The following SLC6A3 variants were observed in gnomAD, a reference collection of about 807,000 sequenced individuals.
SLC6A3 encodes sodium-dependent dopamine transporter.
SLC6A3 carries 19 observed loss-of-function variants against 70.4 expected under a neutral mutation model. The ratio of observed to expected loss-of-function variants is 0.27; its 90% confidence interval spans 0.19 to 0.40. The LOEUF (loss-of-function observed/expected upper bound fraction) is 0.40, where lower values mean the gene tolerates loss of function less well. Ranked by LOEUF, SLC6A3 falls within the 10% of genes least tolerant of loss-of-function variation. The pLI is 1.00. For synonymous variants in SLC6A3, 368 were observed against 356.6 expected, an observed-to-expected ratio of 1.03 and a Z score of -0.36; for missense variants, 613 against 838.5, an observed-to-expected ratio of 0.73 and a Z score of 3.32.
At chr5:1,443,875 T>TTC (rs1733740252) in intron 1 of SLC6A3, among the ~76,000 whole-genome samples, 3 of 151,908 alleles carry the variant, frequency 2.0e-5, no homozygotes, top group East Asian at 3.9e-4. Flanking sequence ...TTGTTGTTTT[T>TTC]TTGTAGAGAC....
chr5:1,441,350 G>A lies in SLC6A3; in HGVS notation c.418+9C>T, dbSNP rs528589234. On this transcript the variant is annotated intron_variant, in intron 3 of 14. Transcript: ENST00000270349. ...TGCGCCAGGGTGAAGGGAGGCACCCGCATATTACCTTTCAGTATGGGGCAG... is the reference window on the plus strand; with the variant it reads ...TGCGCCAGGGTGAAGGGAGGCACCCACATATTACCTTTCAGTATGGGGCAG... The A allele has an allele frequency of 1.6e-4, 256 of 1,614,162 alleles. 1 individual carries two copies. Among genetic ancestry groups the A allele is most frequent in the South Asian group, 1.3e-3 (117 of 91,078 alleles).
chr5:1,440,959 T>C (rs1204422054), intron 3 of SLC6A3, among the ~76,000 whole-genome samples: 3 of 152,174 alleles, frequency 2.0e-5, no homozygotes, highest in African/African-American at 4.8e-5. Context: ...ATTAGGTAGA[T>C]AGGTAGATAG....
intron 4 of SLC6A3, among the ~76,000 whole-genome samples, chr5:1,428,092 G>A (rs1249615774): frequency 2.6e-5 from 4 of 151,984 alleles, no homozygotes; most frequent in African/African-American, 9.7e-5. Context: ...AAACCATCTA[G>A]TAGGTCATAA....
In SLC6A3 at chr5:1,421,923, C is replaced by A. The variant is rs777646374; in HGVS notation, c.745G>T (p.Val249Leu). 1.2e-6 allele frequency: 2 copies of A among 1,613,262 alleles called. No homozygotes were observed. Among genetic ancestry groups the A allele is most frequent in the Non-Finnish European group, 8.5e-7 (1 of 1,180,014 alleles). ...QLTACLVLVI[V>L]LLYFSLWKGV... is the part of the protein sequence containing the mutation. ...TTCCAGAGGCTGAAGTAGAGCAGCA[C>A]GATGACCAGCACCAGGCAGGCTGTG... is the stretch of plus-strand genomic sequence containing the variant. The change falls in exon 5 of 15, where the codon GTG (valine) becomes TTG (leucine). Residue 249 changes from valine to leucine, a missense_variant. Coordinates refer to ENST00000270349, the MANE Select transcript of SLC6A3 (RefSeq NM_001044.5). This position sits in a 1 kb window ranked among gnomAD's most constrained non-coding sequence, Gnocchi z 7.2.
intron 6 of SLC6A3, among the ~76,000 whole-genome samples, chr5:1,419,323 TCATCCATCCATCCATCCATCCATCCATC>T (rs59372317): frequency 2.1e-5 from 3 of 142,856 alleles, no homozygotes; most frequent in Non-Finnish European, 3.0e-5. Flanking sequence ...TACCTAGCAT[TCATCCATCCATCCATCCATCCATCCATC>T]CATCCATCCA....
Position 1,411,223 on chromosome 5 carries a change from G to A in SLC6A3, c.1269+20C>T, listed in dbSNP as rs951684585. ...GAACCCAACTGCCGAGGACAGGGCC[G>A]GGCGGTGCGGGTTACTCACGGCGCT... On this transcript the variant is annotated intron_variant, in intron 9 of 14. Coordinates refer to ENST00000270349, the MANE Select transcript of SLC6A3 (RefSeq NM_001044.5). The surrounding 1 kb of genome is among the most constrained non-coding windows in gnomAD (Gnocchi z 6.5). The A allele has an allele frequency of 5.6e-5, 84 of 1,503,908 alleles. No individual in the cohort carries two copies. The highest frequency in any genetic ancestry group is 4.7e-4 in the East Asian group (19 of 40,740). The allele number at this position is 1,503,908 out of a possible 1,614,324, so 93.2% of individuals were successfully genotyped here. A position where few individuals can be genotyped will look rare whatever the true frequency, so the allele number is the denominator to read the frequency against.
chr5:1,398,261 T>C (rs978665036), intron 14 of SLC6A3, among the ~76,000 whole-genome samples: 2 of 150,832 alleles, frequency 1.3e-5, no homozygotes, highest in Non-Finnish European at 2.9e-5. Flanking sequence ...CTTGAGAGGC[T>C]GAGGCAGGAC....
chr5:1,444,643 G>T (rs910138270), intron 1 of SLC6A3, among the ~76,000 whole-genome samples: 4 of 152,216 alleles, frequency 2.6e-5, no homozygotes, highest in Non-Finnish European at 5.9e-5. Flanking sequence ...AAGGGGTTCC[G>T]CGGCGCGAGC....
At chr5:1,410,878 GTA>G (rs920113892) in intron 9 of SLC6A3, among the ~76,000 whole-genome samples, 4 of 151,876 alleles carry the variant, frequency 2.6e-5, no homozygotes, top group African/African-American at 7.3e-5. Flanking sequence ...GTGCATGTGT[GTA>G]TGTGTGTGCA....
At position 1,420,577 on chromosome 5, in the gene SLC6A3, C is replaced by T. The variant is rs186220447; in HGVS notation, c.919G>A (p.Glu307Lys). ...GAGCAGACTGTACTCACAGACGCCT[C>T]GCAGAGCCGGTAGAAGTCAACGCTC... ...YLSVDFYRLC[E>K]ASVWIDAATQ... The change falls in exon 6 of 15, where the codon GAG (glutamate) becomes AAG (lysine). Residue 307 changes from glutamate to lysine, a missense_variant. Transcript: ENST00000270349. The T allele has an allele frequency of 7.4e-6, 12 of 1,613,222 alleles. No individual in the cohort carries two copies. The highest frequency in any genetic ancestry group is 1.3e-5 in the African/African-American group (1 of 74,928).
chr5:1,407,284 C>T (rs1295358528), intron 11 of SLC6A3, among the ~76,000 whole-genome samples: 4 of 152,206 alleles, frequency 2.6e-5, no homozygotes, highest in Admixed American at 6.5e-5. Flanking sequence ...AGCCTCCACA[C>T]AGAATCCCCT....
chr5:1,431,998 G>A (rs995004649), intron 4 of SLC6A3, among the ~76,000 whole-genome samples: 1 of 152,224 alleles, frequency 6.6e-6, no homozygotes. Context: ...CACCCAGAAA[G>A]TTATCTTTTC....
Position 1,393,983 on chromosome 5 carries a change from CCT to C in SLC6A3, c.*750_*751del, listed in dbSNP as rs1755649194. ...CATGCGTCCGGGGATAGGACACGCT[CCT>C]CTCAGGCCGTTCCCTACACCGCAAG... On this transcript the variant is annotated 3_prime_UTR_variant, in exon 15 of 15. Coordinates refer to ENST00000270349, the MANE Select transcript of SLC6A3 (RefSeq NM_001044.5). 6.4e-6 allele frequency: 1 copy of C among 155,366 alleles called. No individual in the cohort carries two copies. The allele number at this position is 155,366 out of a possible 1,614,324, so 9.6% of individuals were successfully genotyped here. A position where few individuals can be genotyped will look rare whatever the true frequency, so the allele number is the denominator to read the frequency against.
At position 1,405,660 on chromosome 5, in the gene SLC6A3, G is replaced by A. The variant is rs536230514; in HGVS notation, c.1599+528C>T. ...CAAAACTCTATTTACAAACACCAGC[G>A]TCCGACGGCCTTGCCCGGTGGGCCC... On this transcript the variant is annotated intron_variant, in intron 12 of 14. Transcript: ENST00000270349. This position sits in a 1 kb window ranked among gnomAD's most constrained non-coding sequence, Gnocchi z 5.3. 1.2e-4 allele frequency among the ~76,000 whole-genome samples: 18 copies of A among 152,184 alleles called. No homozygotes were observed. The highest frequency in any genetic ancestry group is 2.2e-4 in the Non-Finnish European group (15 of 68,034).
chr5:1,409,658 C>A, intron 10 of SLC6A3, 63 bp downstream of exon 10: 1 of 1,599,796 alleles, frequency 6.3e-7, no homozygotes, highest in Non-Finnish European at 8.5e-7. Context: ...CCAGCCAGGG[C>A]GCCCCGTGCC....
chr5:1,409,861 G>T lies in SLC6A3; in HGVS notation c.1270-12C>A. The T allele has an allele frequency of 6.2e-7, 1 of 1,613,024 alleles. No individual in the cohort carries two copies. The highest frequency in any genetic ancestry group is 1.3e-5 in the African/African-American group (1 of 75,074). On this transcript the variant is annotated splice_polypyrimidine_tract_variant and intron_variant, in intron 9 of 14. Coordinates refer to ENST00000270349, the MANE Select transcript of SLC6A3 (RefSeq NM_001044.5). ...TCCATACCACCCATCTGCACACAGA[G>T]CACAGGGTCGGGCTGCAGGCTGGCG...
intron 8 of SLC6A3, among the ~76,000 whole-genome samples, chr5:1,414,307 C>A (rs1172976294): frequency 1.4e-5 from 2 of 139,946 alleles, no homozygotes; most frequent in Non-Finnish European, 3.1e-5. Context: ...GGGACTGAGG[C>A]ACCAACTATG....
In SLC6A3 at chr5:1,397,324, G is replaced by A. The variant is rs1447492348; in HGVS notation, c.1840-2566C>T. On this transcript the variant is annotated intron_variant, in intron 14 of 14. Transcript: ENST00000270349. The surrounding 1 kb of genome is among the most constrained non-coding windows in gnomAD (Gnocchi z 4.7). The stretch of plus-strand genomic sequence containing the variant: ...TGGGTGCCTGCAGTCCCAGCTACTC[G>A]GGAGGCTGAGGCAGGAGAATGGCGC... Among the ~76,000 whole-genome samples the A allele has an allele frequency of 6.6e-6, 1 of 152,192 alleles. No homozygotes were observed. Among genetic ancestry groups the A allele is most frequent in the Non-Finnish European group, 1.5e-5 (1 of 68,036 alleles).
chr5:1,420,990 T>G (rs907691288), intron 5 of SLC6A3, among the ~76,000 whole-genome samples: 10 of 152,054 alleles, frequency 6.6e-5, no homozygotes, highest in African/African-American at 2.4e-4. Flanking sequence ...GAGTGGCTGA[T>G]GGGGGTTTTC....
Sources: gnomAD v4.1 joint callset for allele counts (sites outside exome capture counted in the v4.1 genomes callset) on GRCh38, gnomAD v4.1.1 for gene constraint, Gnocchi (gnomAD v3.1) non-coding constraint, MANE v1.5 for transcripts, NCBI Gene and HGNC (gene_info 2026-07-23, HGNC 2026-07-21) for gene names.